Variants in ZNF169 observed in about 807,000 individuals in gnomAD.
ZNF169 encodes zinc finger protein 169.
A neutral mutation model predicts 12.0 loss-of-function variants in ZNF169; 11 were observed. The observed-to-expected ratio is 0.92, with a 90% CI of 0.58 to 1.52. ZNF169 has a LOEUF of 1.52. Ranked by LOEUF, ZNF169 falls within the 40% of genes most tolerant of loss-of-function variation. ZNF169 has a pLI of 0.00. For missense variants in ZNF169, 722 were observed against 744.0 expected (o/e 0.97, Z 0.34); for synonymous variants, 302 against 286.5 (o/e 1.05, Z -0.55).
At chr9:94,276,680 C>T (rs763849266) in intron 1 of ZNF169, among the ~76,000 whole-genome samples, 3 of 152,178 alleles carry the variant, frequency 2.0e-5, no homozygotes, top group Non-Finnish European at 4.4e-5. Flanking sequence ...TGATCCATCG[C>T]ACCAGGCCGA....
At chr9:94,284,626 A>T (rs35230494) in intron 2 of ZNF169, among the ~76,000 whole-genome samples, 11,534 of 152,218 alleles carry the variant, frequency 0.076, 605 homozygotes, top group Middle Eastern at 0.13. Flanking sequence ...CTGAACAGGA[A>T]ATTTAAAAAA....
rs1204296034 is a variant in ZNF169 at position 94,292,442 on chromosome 9, G to A, written c.135G>A (p.Glu45=). Residue 45 remains glutamate (E), a synonymous_variant, in exon 3 of 5, where the codon GAG becomes GAA. Transcript: ENST00000395395. ...CCCTGTACAGGGAGGTGATGCTGGAGAACTACAGCCATCTGGTCTCCCTGG... is the reference window on the plus strand; with the variant it reads ...CCCTGTACAGGGAGGTGATGCTGGAAAACTACAGCCATCTGGTCTCCCTGG... ...QRTLYREVML[E]NYSHLVSLGI... is the part of the protein sequence containing the mutation. 2.5e-6 allele frequency: 4 copies of A among 1,613,954 alleles called. No homozygotes were observed. Among genetic ancestry groups the A allele is most frequent in the South Asian group, 1.1e-5 (1 of 91,088 alleles).
At chr9:94,288,033 T>C (rs1450152206) in intron 2 of ZNF169, 2 of 776,272 alleles carry the variant, frequency 2.6e-6, no homozygotes, top group East Asian at 5.0e-5. Context: ...ATCAGTCTTG[T>C]AGCCAACTAC....
At chr9:94,278,700 C>A in intron 1 of ZNF169, 58 bp from the exon 2 acceptor site, 1 of 974,936 alleles carries the variant, frequency 1.0e-6, no homozygotes, top group Non-Finnish European at 1.6e-6. Flanking sequence ...GGAGGCTGGA[C>A]AGAGTGTGAA....
chr9:94,300,559 T>G lies in ZNF169; in HGVS notation c.1001T>G (p.Leu334Arg). The change falls in exon 5 of 5, where the codon CTT becomes CGT. Residue 334 changes from leucine (L) to arginine (R), a missense_variant. Leu to Arg is a moderately radical substitution (Grantham distance 102, BLOSUM62 -2). Transcript: ENST00000395395. ...GRGFRQKIAL[L>R]LHQRTHLEEK... ...GGCTTTCGCCAGAAGATAGCCCTCC[T>G]TCTACACCAGAGGACGCACTTGGAG... is the stretch of plus-strand genomic sequence containing the variant. 1 of 1,613,708 alleles carries G rather than the reference T, an allele frequency of 6.2e-7. No homozygotes were observed. Among genetic ancestry groups the G allele is most frequent in the Non-Finnish European group, 8.5e-7 (1 of 1,179,866 alleles).
At chr9:94,285,297 A>T (rs549594615) in intron 2 of ZNF169, among the ~76,000 whole-genome samples, 1 of 152,210 alleles carries the variant, frequency 6.6e-6, no homozygotes, top group Non-Finnish European at 1.5e-5. Context: ...AAGCTACGGG[A>T]TAGACTTACC....
At chr9:94,296,714 CCT>C (rs756743640) in intron 4 of ZNF169, 1 of 454,722 alleles carries the variant, frequency 2.2e-6, no homozygotes, top group Non-Finnish European at 4.4e-6. Context: ...TTTTTCTACT[CCT>C]CTGTTAGTGT....
At chr9:94,269,063 T>G (rs989010488) in intron 1 of ZNF169, among the ~76,000 whole-genome samples, 9 of 150,708 alleles carry the variant, frequency 6.0e-5, no homozygotes, top group African/African-American at 2.2e-4. Context: ...ACCATTGAGC[T>G]CCTAAAAAAA....
chr9:94,287,510 G>A lies in ZNF169; in HGVS notation c.34-4831G>A, dbSNP rs1587683496. ...CCCCCGGTTAGCTGGGACTACAGGCGCCCGCCACCACACCTGGCTAACTTT... is the reference window on the plus strand; with the variant it reads ...CCCCCGGTTAGCTGGGACTACAGGCACCCGCCACCACACCTGGCTAACTTT... On this transcript the variant is annotated intron_variant, in intron 2 of 4. Coordinates refer to ENST00000395395, the MANE Select transcript of ZNF169 (RefSeq NM_194320.4). 2.0e-5 allele frequency among the ~76,000 whole-genome samples: 3 copies of A among 151,918 alleles called. 1 individual carries two copies. The highest frequency in any genetic ancestry group is 4.2e-4 in the South Asian group (2 of 4,812).
intron 1 of ZNF169, among the ~76,000 whole-genome samples, chr9:94,273,210 T>C (rs1237695131): frequency 2.0e-5 from 3 of 152,148 alleles, no homozygotes; most frequent in African/African-American, 7.2e-5. Context: ...TGCAAAGAAG[T>C]TGGTAAGTTT....
chr9:94,266,392 G>A (rs903521003), intron 1 of ZNF169, among the ~76,000 whole-genome samples: 1 of 152,182 alleles, frequency 6.6e-6, no homozygotes. Context: ...TGGGGTCGTT[G>A]TTACGGAGCA....
At chr9:94,273,058 AT>A (rs145130389) in intron 1 of ZNF169, among the ~76,000 whole-genome samples, 56,585 of 151,794 alleles carry the variant, frequency 0.37, 10,935 homozygotes, top group Middle Eastern at 0.45. Context: ...TCATTTATTC[AT>A]TTTTAATTGA....
chr9:94,297,908 TG>T (rs1025512095), intron 4 of ZNF169, among the ~76,000 whole-genome samples: 1 of 152,218 alleles, frequency 6.6e-6, no homozygotes, highest in African/African-American at 2.4e-5. Flanking sequence ...GGCTCACGCC[TG>T]TAATCCCAGC....
chr9:94,278,798 C>G lies in ZNF169; in HGVS notation c.-15C>G, dbSNP rs1192328994. On this transcript the variant is annotated 5_prime_UTR_variant, in exon 2 of 5. Transcript: ENST00000395395. The stretch of plus-strand genomic sequence containing the variant: ...TTGACTCTCCTCTAGGAAGAGTACT[C>G]CAGAGAGCAGGGATATGTCACCAGG... 16 of 1,613,628 alleles carry G rather than the reference C, an allele frequency of 9.9e-6. No homozygotes were observed. Among genetic ancestry groups the G allele is most frequent in the Middle Eastern group, 3.4e-4 (2 of 5,924 alleles).
chr9:94,295,951 A>G (rs1830941152), intron 4 of ZNF169: 1 of 152,242 alleles, frequency 6.6e-6, no homozygotes, highest in African/African-American at 2.4e-5. Context: ...ACTTTTGAAG[A>G]AACTCACAAA....
intron 1 of ZNF169, among the ~76,000 whole-genome samples, chr9:94,260,604 G>C (rs1830186003): frequency 6.6e-6 from 1 of 152,100 alleles, no homozygotes; most frequent in African/African-American, 2.4e-5. Context: ...TGGGTTGCAT[G>C]GGGGCGTGCT....
At chr9:94,275,089 T>A (rs551516757) in intron 1 of ZNF169, among the ~76,000 whole-genome samples, 1 of 152,082 alleles carries the variant, frequency 6.6e-6, no homozygotes, top group East Asian at 1.9e-4. Flanking sequence ...AATAAAAAAA[T>A]AGCCAGGCAT....
intron 1 of ZNF169, among the ~76,000 whole-genome samples, chr9:94,264,284 C>T (rs532717302): frequency 5.9e-5 from 9 of 152,158 alleles, no homozygotes; most frequent in East Asian, 3.9e-4. Flanking sequence ...TACAGGCATA[C>T]GCTACCATGC....
chr9:94,286,200 C>T (rs973750196), intron 2 of ZNF169, among the ~76,000 whole-genome samples: 4 of 152,080 alleles, frequency 2.6e-5, no homozygotes, highest in South Asian at 2.1e-4. Context: ...TTTAACATAT[C>T]GCAAATTATT....
Sources: gnomAD v4.1 joint callset for allele counts (sites outside exome capture counted in the v4.1 genomes callset) on GRCh38, gnomAD v4.1.1 for gene constraint, MANE v1.5 for transcripts, NCBI Gene and HGNC (gene_info 2026-07-23, HGNC 2026-07-21) for gene names.